Variants in MMUT observed in about 807,000 individuals in gnomAD.
MMUT encodes the protein methylmalonyl-CoA mutase, mitochondrial.
Under a neutral mutation model 79.9 loss-of-function variants are expected in MMUT, and 79 were observed. That is an observed-to-expected ratio of 0.99 (90% CI 0.82 to 1.19). The LOEUF is 1.19. Ranked by LOEUF, MMUT falls within the 50% of genes most tolerant of loss-of-function variation. MMUT has a pLI of 0.00. For missense variants in MMUT, 860 were observed against 917.2 expected, an observed-to-expected ratio of 0.94 and a Z score of 0.81; for synonymous variants, 273 against 295.7, an observed-to-expected ratio of 0.92 and a Z score of 0.79.
chr6:49,461,140 A>C (rs1371875964), intron 1 of MMUT, among the ~76,000 whole-genome samples: 1 of 152,316 alleles, frequency 6.6e-6, no homozygotes, highest in Non-Finnish European at 1.5e-5. Flanking sequence ...TGGCAAAACT[A>C]ATCTTTGATG....
At position 49,431,504 on chromosome 6, in the gene MMUT, A is replaced by C. The variant is rs2127411926; in HGVS notation, c.*224T>G. ...AGTTCTTGATAAAGTATTGTTATAG[A>C]GAGTATAGAGAGTTTTTAGGGATTT... is the stretch of plus-strand genomic sequence containing the variant. On this transcript the variant is annotated 3_prime_UTR_variant, in exon 13 of 13. Transcript: ENST00000274813. The C allele has an allele frequency of 2.5e-6, 1 of 399,208 alleles. No homozygotes were observed. Among genetic ancestry groups the C allele is most frequent in the East Asian group, 4.8e-5 (1 of 20,656 alleles). The allele number at this position is 399,208 out of a possible 1,614,324, so 24.7% of individuals were successfully genotyped here.
intron 12 of MMUT, among the ~76,000 whole-genome samples, chr6:49,433,743 C>T (rs1239627688): frequency 6.6e-6 from 1 of 152,154 alleles, no homozygotes; most frequent in African/African-American, 2.4e-5. Flanking sequence ...TGATTAGCCA[C>T]TAGATATTAG....
chr6:49,431,814 C>T lies in MMUT; in HGVS notation c.2167G>A (p.Gly723Ser). 6.2e-7 allele frequency: 1 copy of T among 1,613,802 alleles called. No individual in the cohort carries two copies. Among genetic ancestry groups the T allele is most frequent in the Non-Finnish European group, 8.5e-7 (1 of 1,179,742 alleles). ...GCCTTTGGAATTCGAGTCCCAGGAC[C>T]AAATACATTGGAAACACCAACTTCA... Reference protein sequence around the residue: ...LFEVGVSNVFGPGTRIPKAAV... With the variant: ...LFEVGVSNVFSPGTRIPKAAV... The change falls in exon 13 of 13, where the codon GGT (glycine) becomes AGT (serine). Residue 723 changes from glycine (G) to serine (S), a missense_variant. Gly to Ser is a moderately conservative substitution (Grantham distance 56, BLOSUM62 0). Coordinates refer to ENST00000274813, the MANE Select transcript of MMUT (RefSeq NM_000255.4).
At chr6:49,444,258 T>C (rs1020048815) in intron 9 of MMUT, among the ~76,000 whole-genome samples, 1 of 152,086 alleles carries the variant, frequency 6.6e-6, no homozygotes, top group African/African-American at 2.4e-5. Flanking sequence ...GTTTTTCCTA[T>C]AAATTCTCAG....
Position 49,431,762 on chromosome 6 carries a change from T to A in MMUT, c.2219A>T (p.Glu740Val). Residue 740 changes from glutamate to valine, a missense_variant, in exon 13 of 13, where the codon GAG becomes GTG. Coordinates refer to ENST00000274813, the MANE Select transcript of MMUT (RefSeq NM_000255.4). ...TTGCTGCTTCTTTTCCAAACACTTC[T>A]CAATATCATCAAGCACCTGAACGGC... ...KAAVQVLDDIEKCLEKKQQSV is the reference protein window; with the variant it reads ...KAAVQVLDDIVKCLEKKQQSV The A allele has an allele frequency of 1.2e-6, 2 of 1,613,958 alleles. No individual in the cohort carries two copies. The highest frequency in any genetic ancestry group is 1.7e-6 in the Non-Finnish European group (2 of 1,179,916).
Position 49,453,643 on chromosome 6 carries a change from G to T in MMUT, c.1025C>A (p.Ser342Ter), listed in dbSNP as rs770466993. Residue 342 changes from serine to a stop codon, truncating the protein, a stop_gained, in exon 5 of 13, where the codon TCA (serine) becomes TAA (stop). Coordinates refer to ENST00000274813, the MANE Select transcript of MMUT (RefSeq NM_000255.4). LOFTEE classifies it high-confidence loss of function. ...GTGTGCTCTTAGAAGAAGAGATTTT[G>T]AGTTTTTAGGCTGAAACATTTTCTC... ...LIEKMFQPKN[S>*]KSLLLRAHCQ... The T allele has an allele frequency of 1.9e-5, 30 of 1,613,090 alleles. No homozygotes were observed. Among genetic ancestry groups the T allele is most frequent in the Non-Finnish European group, 2.5e-5 (30 of 1,179,414 alleles).
intron 4 of MMUT, among the ~76,000 whole-genome samples, chr6:49,455,237 A>G (rs956158989): frequency 1.3e-5 from 2 of 152,296 alleles, no homozygotes; most frequent in South Asian, 4.1e-4. Flanking sequence ...TGTTTCTGCA[A>G]TCTGTTGCAG....
intron 12 of MMUT, 120 bp downstream of exon 12, chr6:49,435,336 A>T: frequency 1.9e-6 from 2 of 1,031,012 alleles, no homozygotes; most frequent in Non-Finnish European, 2.9e-6. Flanking sequence ...GAATTTATTT[A>T]GTGAAATCAC....
Position 49,431,738 on chromosome 6 carries a change from T to C in MMUT, c.2243A>G (p.Gln748Arg). The C allele has an allele frequency of 6.2e-7, 1 of 1,613,850 alleles. No individual in the cohort carries two copies. Among genetic ancestry groups the C allele is most frequent in the Non-Finnish European group, 8.5e-7 (1 of 1,179,798 alleles). The change falls in exon 13 of 13, where the codon CAA becomes CGA. Residue 748 changes from glutamine to arginine, a missense_variant. Physicochemically the swap from Gln to Arg is conservative, Grantham distance 43. Transcript: ENST00000274813. ...DIEKCLEKKQ[Q>R]SV ...AACAAAAAGAGGATATTATACAGAT[T>C]GCTGCTTCTTTTCCAAACACTTCTC...
chr6:49,445,562 T>C (rs1767390625), intron 8 of MMUT, among the ~76,000 whole-genome samples: 1 of 152,076 alleles, frequency 6.6e-6, no homozygotes, highest in African/African-American at 2.4e-5. Flanking sequence ...GGCCCTTATA[T>C]AAAATGATGT....
chr6:49,460,708 A>G (rs552857331), intron 1 of MMUT, among the ~76,000 whole-genome samples: 1 of 152,330 alleles, frequency 6.6e-6, no homozygotes, highest in Non-Finnish European at 1.5e-5. Flanking sequence ...TATATTCACT[A>G]TACTATGTGT....
At chr6:49,451,027 AATAG>A (rs1176529843) in intron 6 of MMUT, among the ~76,000 whole-genome samples, 1 of 152,190 alleles carries the variant, frequency 6.6e-6, no homozygotes, top group Admixed American at 6.5e-5. Flanking sequence ...CTAGGAAAGC[AATAG>A]ATAGTGTCTA....
intron 1 of MMUT, among the ~76,000 whole-genome samples, chr6:49,461,469 T>C (rs992403300): frequency 6.6e-6 from 1 of 152,026 alleles, no homozygotes; most frequent in Non-Finnish European, 1.5e-5. Context: ...AAAGTCTAAA[T>C]GGAAACATAA....
rs1300728878 is a variant in MMUT at position 49,440,239 on chromosome 6, A to C, written c.1923T>G (p.Leu641=). The change falls in exon 11 of 13, where the codon CTT becomes CTG. Residue 641 remains leucine (L), a synonymous_variant. Transcript: ENST00000274813. The part of the protein sequence containing the change: ...AKVIATGFAD[L]GFDVDIGPLF... ...GAGGGCCTATGTCCACATCAAAACCAAGATCAGCAAATCCTGTAGCAATAA... is the reference window on the plus strand; with the variant it reads ...GAGGGCCTATGTCCACATCAAAACCCAGATCAGCAAATCCTGTAGCAATAA... 1 of 1,614,114 alleles carries C rather than the reference A, an allele frequency of 6.2e-7. No homozygotes were observed. The highest frequency in any genetic ancestry group is 2.2e-5 in the East Asian group (1 of 44,874).
intron 6 of MMUT, among the ~76,000 whole-genome samples, chr6:49,450,408 G>A (rs753412116): frequency 2.2e-4 from 34 of 151,776 alleles, no homozygotes; most frequent in Non-Finnish European, 4.9e-4. Flanking sequence ...TTAAAAAAAG[G>A]TGAGATGAAA....
At chr6:49,437,677 A>C (rs1014514765) in intron 11 of MMUT, among the ~76,000 whole-genome samples, 2 of 152,064 alleles carry the variant, frequency 1.3e-5, no homozygotes, top group African/African-American at 4.8e-5. Context: ...TAGTCCCTCC[A>C]TTAAATTTTC....
intron 10 of MMUT, among the ~76,000 whole-genome samples, chr6:49,440,788 A>G (rs1767254141): frequency 6.6e-6 from 1 of 152,214 alleles, no homozygotes; most frequent in Admixed American, 6.5e-5. Context: ...ACAAAAAATG[A>G]CAACCTCCCA....
chr6:49,438,713 G>C (rs949201513), intron 11 of MMUT, among the ~76,000 whole-genome samples: 3 of 152,142 alleles, frequency 2.0e-5, no homozygotes, highest in African/African-American at 7.2e-5. Flanking sequence ...ATTAACATTT[G>C]AATCAGTGGG....
At chr6:49,461,913 A>C (rs1385284978) in intron 1 of MMUT, among the ~76,000 whole-genome samples, 1 of 152,246 alleles carries the variant, frequency 6.6e-6, no homozygotes, top group Non-Finnish European at 1.5e-5. Context: ...ATAATGAAGC[A>C]ACAACTAAAC....
Sources: gnomAD v4.1 joint callset for allele counts (sites outside exome capture counted in the v4.1 genomes callset) on GRCh38, gnomAD v4.1.1 for gene constraint, MANE v1.5 for transcripts, NCBI Gene and HGNC (gene_info 2026-07-23, HGNC 2026-07-21) for gene names.